CNOT4: variants seen among roughly 807,000 people sequenced by gnomAD.
CNOT4 encodes CCR4-NOT transcription complex subunit 4, also known as CCR4-associated factor 4.
A neutral mutation model predicts 73.8 loss-of-function variants in CNOT4; 8 were observed. That is an observed-to-expected ratio of 0.11 (90% CI 0.06 to 0.20). CNOT4 has a LOEUF of 0.20. CNOT4 is among the 10% of genes least tolerant of loss of function. The pLI is 1.00. For missense variants in CNOT4, 564 were observed against 883.4 expected (o/e 0.64, Z 4.58); for synonymous variants, 293 against 321.1 (o/e 0.91, Z 0.94).
intron 1 of CNOT4, among the ~76,000 whole-genome samples, chr7:135,451,257 G>T (rs1800145222): frequency 1.3e-5 from 2 of 152,146 alleles, no homozygotes; most frequent in Admixed American, 6.6e-5. Flanking sequence ...TGAATGAAAA[G>T]AAAACTAATT....
At position 135,484,708 on chromosome 7, in the gene CNOT4, T is replaced by C. The variant is rs551702578; in HGVS notation, c.-93+25181A>G. Among the ~76,000 whole-genome samples, 51 of 151,620 alleles carry C rather than the reference T, an allele frequency of 3.4e-4. 1 individual carries two copies. The highest frequency in any genetic ancestry group is 3.4e-3 in the Middle Eastern group (1 of 290). On this transcript the variant is annotated intron_variant, in intron 1 of 11. Transcript: ENST00000541284. Reference sequence around the variant, plus strand: ...AAGCGGAGGTTGCAGTGAGTCGAGATTGTGCCACTGCACTCTAGCCTAGGC... The same window carrying C: ...AAGCGGAGGTTGCAGTGAGTCGAGACTGTGCCACTGCACTCTAGCCTAGGC...
chr7:135,450,399 A>T (rs1427799332), intron 1 of CNOT4, among the ~76,000 whole-genome samples: 1 of 151,936 alleles, frequency 6.6e-6, no homozygotes, highest in African/African-American at 2.4e-5. Context: ...GCTCACTGCA[A>T]CCTTCGCCTC....
intron 1 of CNOT4, among the ~76,000 whole-genome samples, chr7:135,484,083 T>C (rs2129487387): frequency 6.6e-6 from 1 of 152,030 alleles, no homozygotes; most frequent in Non-Finnish European, 1.5e-5. Flanking sequence ...TAGTACCAGT[T>C]ACTCAAGAGG....
At chr7:135,494,040 C>CA (rs1469787545) in intron 1 of CNOT4, among the ~76,000 whole-genome samples, 2 of 144,620 alleles carry the variant, frequency 1.4e-5, no homozygotes, top group African/African-American at 5.1e-5. Context: ...ATGGGTTTCC[C>CA]AAGTGATTTC....
chr7:135,445,131 C>A (rs917129175), intron 1 of CNOT4, among the ~76,000 whole-genome samples: 2 of 152,182 alleles, frequency 1.3e-5, no homozygotes, highest in Non-Finnish European at 2.9e-5. Flanking sequence ...AATTGTGAGA[C>A]TGAGTTCTGT....
chr7:135,440,352 C>A (rs1799403289), intron 1 of CNOT4, among the ~76,000 whole-genome samples: 1 of 148,952 alleles, frequency 6.7e-6, no homozygotes. Flanking sequence ...TTTACCCCAT[C>A]AGCCTGTCAA....
chr7:135,425,689 T>C lies in CNOT4; in HGVS notation c.175-3336A>G, dbSNP rs147159474. On this transcript the variant is annotated intron_variant, in intron 2 of 11. Transcript: ENST00000541284. Reference sequence around the variant, plus strand: ...AAAGAAGTTATAAATACTAGTTGTTTAATCTTAACACCTGAAAAATATAAA... The same window carrying C: ...AAAGAAGTTATAAATACTAGTTGTTCAATCTTAACACCTGAAAAATATAAA... Among the ~76,000 whole-genome samples the C allele has an allele frequency of 1.2e-3, 180 of 152,316 alleles. 2 individuals carry two copies. The highest frequency in any genetic ancestry group is 4.2e-3 in the African/African-American group (175 of 41,570).
chr7:135,438,690 A>G (rs768675709), intron 1 of CNOT4, among the ~76,000 whole-genome samples: 4 of 152,240 alleles, frequency 2.6e-5, no homozygotes, highest in African/African-American at 4.8e-5. Context: ...AGCACTCATC[A>G]TAACACATTT....
intron 1 of CNOT4, among the ~76,000 whole-genome samples, chr7:135,490,314 G>A (rs770849257): frequency 2.0e-5 from 3 of 152,180 alleles, no homozygotes; most frequent in Admixed American, 6.5e-5. Context: ...CAAATAGAGC[G>A]AAAAGTCCTA....
chr7:135,453,771 T>C (rs1235522836), intron 1 of CNOT4, among the ~76,000 whole-genome samples: 2 of 144,600 alleles, frequency 1.4e-5, no homozygotes, highest in African/African-American at 2.5e-5. Context: ...ATATAACATA[T>C]ATATGGATAC....
At chr7:135,418,332 A>C (rs6976116) in intron 3 of CNOT4, among the ~76,000 whole-genome samples, 1 of 152,228 alleles carries the variant, frequency 6.6e-6, no homozygotes, top group African/African-American at 2.4e-5. Flanking sequence ...CCTGTACATC[A>C]GCACATTATC....
intron 10 of CNOT4, among the ~76,000 whole-genome samples, chr7:135,383,060 G>A (rs564072212): frequency 6.6e-6 from 1 of 152,210 alleles, no homozygotes; most frequent in South Asian, 2.1e-4. Flanking sequence ...CTCTTTGGGG[G>A]AAATTATCAA....
At chr7:135,481,399 A>G (rs1479512787) in intron 1 of CNOT4, among the ~76,000 whole-genome samples, 1 of 152,226 alleles carries the variant, frequency 6.6e-6, no homozygotes, top group South Asian at 2.1e-4. Context: ...ATCTTACCCC[A>G]GTTAGAACGG....
rs566956290 is a variant in CNOT4 at position 135,395,764 on chromosome 7, T to C, written c.999A>G (p.Ser333=). 3.7e-6 allele frequency: 6 copies of C among 1,614,150 alleles called. No individual in the cohort carries two copies. In the African/African-American group the frequency reaches 6.7e-5, roughly 18 times the overall value. Residue 333 remains serine, a synonymous_variant, in exon 9 of 12, where the codon TCA becomes TCG. Transcript: ENST00000541284. ...RSPFEGAVTE[S]QSLFSDNFRH... ...GAAAATTGTCTGAGAATAACGACTG[T>C]GACTCTGTTACTGCCCCTTCAAAAG...
At chr7:135,415,402 T>C in intron 3 of CNOT4, 140 bp from the exon 4 acceptor site, 1 of 549,154 alleles carries the variant, frequency 1.8e-6, no homozygotes, top group East Asian at 3.1e-5. Flanking sequence ...CACTACCTCC[T>C]AATTGCAGTT....
chr7:135,444,701 T>C, intron 1 of CNOT4: 1 of 1,248,420 alleles, frequency 8.0e-7, no homozygotes, highest in Non-Finnish European at 1.2e-6. Context: ...TTCCGGCTGC[T>C]TGTTTGAATC....
At chr7:135,437,466 G>A (rs980407675) in intron 2 of CNOT4, among the ~76,000 whole-genome samples, 11 of 151,638 alleles carry the variant, frequency 7.3e-5, no homozygotes, top group African/African-American at 1.5e-4. Context: ...TGGGATTACA[G>A]GCGTGAGCCA....
chr7:135,393,681 T>C (rs574209635), intron 10 of CNOT4, among the ~76,000 whole-genome samples: 1 of 152,328 alleles, frequency 6.6e-6, no homozygotes, highest in East Asian at 1.9e-4. Flanking sequence ...AATTATCCTA[T>C]TAAGTAAAAT....
chr7:135,459,714 C>T (rs1216075228), intron 1 of CNOT4, among the ~76,000 whole-genome samples: 2 of 152,168 alleles, frequency 1.3e-5, no homozygotes, highest in African/African-American at 2.4e-5. Context: ...TCAGAATAGT[C>T]CATGAGCACT....
Sources: allele counts gnomAD v4.1 joint callset (sites outside exome capture counted in the v4.1 genomes callset), GRCh38; gene constraint gnomAD v4.1.1; transcripts MANE v1.5; gene names NCBI Gene and HGNC (gene_info 2026-07-23, HGNC 2026-07-21).